UBE2E2: variants seen among roughly 807,000 people sequenced by gnomAD.
UBE2E2 encodes ubiquitin-conjugating enzyme E2 E2.
UBE2E2 carries 6 observed loss-of-function variants against 24.7 expected under a neutral mutation model. The ratio of observed to expected loss-of-function variants is 0.24; its 90% CI spans 0.13 to 0.48. The LOEUF (loss-of-function observed/expected upper bound fraction) is 0.48, where lower values mean the gene tolerates loss of function less well. Among genes scored for constraint, UBE2E2 ranks in the 20% least tolerant of loss-of-function variants. The probability of loss-of-function intolerance (pLI) is 0.99; values close to 1 mark genes in which losing one functional copy is unlikely to be tolerated. For missense variants in UBE2E2, 169 were observed against 245.0 expected, an observed-to-expected ratio of 0.69 and a Z score of 2.07; for synonymous variants, 104 against 83.6, an observed-to-expected ratio of 1.24 and a Z score of -1.33.
At chr3:23,569,620 C>T (rs950003119) in intron 5 of UBE2E2, among the ~76,000 whole-genome samples, 1 of 152,116 alleles carries the variant, frequency 6.6e-6, no homozygotes, top group African/African-American at 2.4e-5. Flanking sequence ...CCTCTGGTAT[C>T]TTAAGTCCTC....
At chr3:23,295,172 T>A (rs562278009) in intron 3 of UBE2E2, among the ~76,000 whole-genome samples, 1 of 152,332 alleles carries the variant, frequency 6.6e-6, no homozygotes, top group East Asian at 1.9e-4. Flanking sequence ...TTTAAAAGGT[T>A]GGCAGTGACA....
At chr3:23,371,949 C>T (rs1429884131) in intron 3 of UBE2E2, among the ~76,000 whole-genome samples, 1 of 151,956 alleles carries the variant, frequency 6.6e-6, no homozygotes, top group African/African-American at 2.4e-5. Context: ...GAAATCCTGT[C>T]TCTACTAAAA....
intron 3 of UBE2E2, among the ~76,000 whole-genome samples, chr3:23,393,442 A>G (rs1405471798): frequency 6.6e-6 from 1 of 152,168 alleles, no homozygotes; most frequent in Non-Finnish European, 1.5e-5. Context: ...CATCAGTATC[A>G]CCTGGGTGCT....
rs575955655 is a variant in UBE2E2 at position 23,344,691 on chromosome 3, C to A, written c.227+127379C>A. On this transcript the variant is annotated intron_variant, in intron 3 of 5. Coordinates refer to ENST00000396703, the MANE Select transcript of UBE2E2 (RefSeq NM_152653.4). ...CAACATAGTGAGACAAACCTTGTTT[C>A]AAAAAAAATAATATATATATATACA... Among the ~76,000 whole-genome samples the A allele has an allele frequency of 2.9e-3, 432 of 150,016 alleles. 5 individuals carry two copies. Among genetic ancestry groups the A allele is most frequent in the South Asian group, 8.4e-3 (40 of 4,746 alleles).
chr3:23,491,039 A>T (rs576311571), intron 3 of UBE2E2, among the ~76,000 whole-genome samples: 11 of 152,236 alleles, frequency 7.2e-5, no homozygotes, highest in Non-Finnish European at 1.3e-4. Flanking sequence ...AAGAAGCCTT[A>T]TGGGGGATAA....
At chr3:23,374,407 C>G (rs896813603) in intron 3 of UBE2E2, among the ~76,000 whole-genome samples, 1 of 152,054 alleles carries the variant, frequency 6.6e-6, no homozygotes, top group African/African-American at 2.4e-5. Context: ...ATAAATAAAA[C>G]AAGTTTTAGT....
At chr3:23,298,062 G>A (rs1698960706) in intron 3 of UBE2E2, among the ~76,000 whole-genome samples, 1 of 151,884 alleles carries the variant, frequency 6.6e-6, no homozygotes, top group Admixed American at 6.6e-5. Flanking sequence ...GTGAATGGGA[G>A]TTCACTTATG....
Position 23,351,901 on chromosome 3 carries a change from GC to G in UBE2E2, c.227+134590del, listed in dbSNP as rs527393124. On this transcript the variant is annotated intron_variant, in intron 3 of 5. Transcript: ENST00000396703. Reference sequence around the variant, plus strand: ...AAGCGACCTAATAGACATCTACAGAGCTCTCCACCCCAAATCAACAGAATAT... The same window carrying G: ...AAGCGACCTAATAGACATCTACAGAGTCTCCACCCCAAATCAACAGAATAT... 1.2e-4 allele frequency among the ~76,000 whole-genome samples: 18 copies of G among 152,152 alleles called. No individual in the cohort carries two copies. In the East Asian group the frequency reaches 3.5e-3, roughly 29 times the overall value.
intron 3 of UBE2E2, among the ~76,000 whole-genome samples, chr3:23,228,785 C>G (rs1454058540): frequency 6.6e-6 from 1 of 152,152 alleles, no homozygotes; most frequent in Non-Finnish European, 1.5e-5. Context: ...AGAGGCAGCA[C>G]TTTCTTCTAA....
Position 23,252,860 on chromosome 3 carries a change from G to A in UBE2E2, c.227+35548G>A, listed in dbSNP as rs574809287. Among the ~76,000 whole-genome samples the A allele has an allele frequency of 1.6e-4, 24 of 152,302 alleles. 1 individual carries two copies. In the South Asian group the frequency reaches 4.8e-3, roughly 30 times the overall value. ...GTAGAAAGAACACATCAAATCTGCA[G>A]CATTGCCTTGTCATTCATTATGGAG... is the stretch of plus-strand genomic sequence containing the variant. On this transcript the variant is annotated intron_variant, in intron 3 of 5. Transcript: ENST00000396703.
intron 5 of UBE2E2, among the ~76,000 whole-genome samples, chr3:23,556,038 A>G (rs535006011): frequency 1.6e-4 from 24 of 152,108 alleles, no homozygotes; most frequent in African/African-American, 5.5e-4. Context: ...GGAAATGGGT[A>G]AAAGTGTTAG....
chr3:23,551,173 A>T (rs1277873916), intron 5 of UBE2E2, among the ~76,000 whole-genome samples: 1 of 152,208 alleles, frequency 6.6e-6, no homozygotes, highest in Non-Finnish European at 1.5e-5. Flanking sequence ...AGTGTTCAAC[A>T]TTCCATAAAA....
intron 5 of UBE2E2, among the ~76,000 whole-genome samples, chr3:23,558,438 G>A (rs185466679): frequency 3.9e-5 from 6 of 152,190 alleles, no homozygotes; most frequent in South Asian, 2.1e-4. Flanking sequence ...CTTGATGCCC[G>A]AGTCTCAGAC....
intron 4 of UBE2E2, among the ~76,000 whole-genome samples, chr3:23,508,581 T>A (rs2125462918): frequency 6.6e-6 from 1 of 152,306 alleles, no homozygotes; most frequent in South Asian, 2.1e-4. Flanking sequence ...AACTGTACGT[T>A]TGCACAAGCC....
chr3:23,444,217 G>A (rs1319854667), intron 3 of UBE2E2, among the ~76,000 whole-genome samples: 1 of 152,028 alleles, frequency 6.6e-6, no homozygotes, highest in Non-Finnish European at 1.5e-5. Context: ...GGCTATGGAA[G>A]CACCACGAGA....
intron 3 of UBE2E2, among the ~76,000 whole-genome samples, chr3:23,300,506 T>C (rs1699043614): frequency 1.3e-5 from 2 of 152,132 alleles, no homozygotes. Flanking sequence ...CAGCATTTGC[T>C]TGTCTGTAAA....
At chr3:23,233,246 A>C (rs952096771) in intron 3 of UBE2E2, among the ~76,000 whole-genome samples, 3 of 152,162 alleles carry the variant, frequency 2.0e-5, no homozygotes, top group Non-Finnish European at 4.4e-5. Flanking sequence ...ATTGGACAGG[A>C]ATAGTATCAG....
At chr3:23,225,440 T>G (rs1696793302) in intron 3 of UBE2E2, among the ~76,000 whole-genome samples, 1 of 152,232 alleles carries the variant, frequency 6.6e-6, no homozygotes, top group Admixed American at 6.5e-5. Context: ...CTTTTACATT[T>G]TGGTTTCTGA....
At chr3:23,497,377 T>C (rs1379301849) in intron 3 of UBE2E2, among the ~76,000 whole-genome samples, 1 of 152,216 alleles carries the variant, frequency 6.6e-6, no homozygotes, top group African/African-American at 2.4e-5. Flanking sequence ...GAACTGCTCA[T>C]GCAGAGATGA....
Sources: gnomAD v4.1 joint callset for allele counts (sites outside exome capture counted in the v4.1 genomes callset) on GRCh38, gnomAD v4.1.1 for gene constraint, MANE v1.5 for transcripts, NCBI Gene and HGNC (gene_info 2026-07-23, HGNC 2026-07-21) for gene names.